GRIN2A: variants seen among roughly 807,000 people sequenced by gnomAD.
GRIN2A encodes the protein glutamate ionotropic receptor NMDA type subunit 2A.
In GRIN2A, 22 loss-of-function variants were observed where a neutral mutation model predicts 113.4. The observed-to-expected ratio is 0.19, with a 90% CI of 0.14 to 0.28. The LOEUF (loss-of-function observed/expected upper bound fraction) is 0.28. GRIN2A is among the 10% of genes least tolerant of loss of function. GRIN2A has a pLI of 1.00. For missense variants in GRIN2A, 1,502 were observed against 1,887.0 expected (o/e 0.80, Z 3.78); for synonymous variants, 827 against 738.4 (o/e 1.12, Z -1.94).
At chr16:10,061,986 G>T (rs1249422084) in intron 2 of GRIN2A, among the ~76,000 whole-genome samples, 1 of 152,150 alleles carries the variant, frequency 6.6e-6, no homozygotes, top group Non-Finnish European at 1.5e-5. Context: ...TACTAAAAGG[G>T]ATTTTTGAAA....
Position 9,957,592 on chromosome 16 carries a change from A to C in GRIN2A, c.415-19041T>G, listed in dbSNP as rs918706739. 2.0e-5 allele frequency among the ~76,000 whole-genome samples: 3 copies of C among 152,148 alleles called. 1 individual carries two copies. The South Asian group carries it at 6.2e-4, about 32-fold the overall frequency. ...AGTAGTGGAAATAAAGCAAATATAA[A>C]ACCTAAGAGGCAGCTTCTAATAGGA... is the stretch of plus-strand genomic sequence containing the variant. On this transcript the variant is annotated intron_variant, in intron 2 of 12. Transcript: ENST00000330684.
intron 2 of GRIN2A, among the ~76,000 whole-genome samples, chr16:10,141,911 G>A (rs919259590): frequency 7.2e-5 from 11 of 152,216 alleles, no homozygotes; most frequent in African/African-American, 2.4e-4. Context: ...CCAGCTGAGA[G>A]TGCTTTCCAC....
intron 2 of GRIN2A, among the ~76,000 whole-genome samples, chr16:10,139,530 C>T (rs562930480): frequency 6.6e-6 from 1 of 152,180 alleles, no homozygotes; most frequent in Non-Finnish European, 1.5e-5. Context: ...ACAAGACATC[C>T]CAGGGGATAC....
chr16:9,776,372 C>G lies in GRIN2A; in HGVS notation c.2357-7283G>C, dbSNP rs2267775. The stretch of plus-strand genomic sequence containing the variant: ...TTCAGGGCAGGGATCTTGTTTTATT[C>G]TCCTTGTACCCCCAGTCTGTGGCAC... On this transcript the variant is annotated intron_variant, in intron 11 of 12. Coordinates refer to ENST00000330684, the MANE Select transcript of GRIN2A (RefSeq NM_001134407.3). Among the ~76,000 whole-genome samples, 180 of 142,578 alleles carry G rather than the reference C, an allele frequency of 1.3e-3. 1 individual carries two copies. The highest frequency in any genetic ancestry group is 8.2e-3 in the East Asian group (40 of 4,856). The allele number at this position is 142,578 out of a possible 152,430, so 93.5% of individuals were successfully genotyped here. A position where few individuals can be genotyped will look rare whatever the true frequency, so the allele number is the denominator to read the frequency against.
chr16:9,934,091 A>G (rs954205621), intron 3 of GRIN2A, among the ~76,000 whole-genome samples: 13 of 152,340 alleles, frequency 8.5e-5, no homozygotes, highest in African/African-American at 2.9e-4. Flanking sequence ...ATTATCATTA[A>G]TGTTTTATTG....
At chr16:9,892,780 T>C (rs1164843135) in intron 3 of GRIN2A, among the ~76,000 whole-genome samples, 1 of 152,054 alleles carries the variant, frequency 6.6e-6, no homozygotes, top group East Asian at 1.9e-4. Context: ...AAAAATGTGA[T>C]GTCGTTAAAG....
chr16:9,932,368 TTTTTA>T (rs1336440731), intron 3 of GRIN2A, among the ~76,000 whole-genome samples: 1 of 152,106 alleles, frequency 6.6e-6, no homozygotes, highest in Non-Finnish European at 1.5e-5. Context: ...CTTTATTTCA[TTTTTA>T]TTTTATTTTA....
chr16:9,917,093 C>G (rs1422409896), intron 3 of GRIN2A, among the ~76,000 whole-genome samples: 1 of 152,200 alleles, frequency 6.6e-6, no homozygotes, highest in South Asian at 2.1e-4. Flanking sequence ...CTCCCTTTGG[C>G]TGGAATGACT....
At chr16:10,057,884 T>C (rs1294087779) in intron 2 of GRIN2A, among the ~76,000 whole-genome samples, 1 of 152,234 alleles carries the variant, frequency 6.6e-6, no homozygotes, top group African/African-American at 2.4e-5. Context: ...ATCTTGACTT[T>C]TATGTGCCAA....
chr16:9,924,139 A>ACAAAAAAAAAC (rs2044411686), intron 3 of GRIN2A, among the ~76,000 whole-genome samples: 1 of 150,450 alleles, frequency 6.6e-6, no homozygotes, highest in Non-Finnish European at 1.5e-5. Flanking sequence ...AAAAAAAAAA[A>ACAAAAAAAAAC]CAAAAACCTC....
chr16:9,960,795 T>C (rs923617195), intron 2 of GRIN2A, among the ~76,000 whole-genome samples: 2 of 152,100 alleles, frequency 1.3e-5, no homozygotes, highest in Non-Finnish European at 2.9e-5. Flanking sequence ...TGGATAATTT[T>C]TGTATTTTTG....
chr16:9,942,829 G>C (rs1358764104), intron 2 of GRIN2A, among the ~76,000 whole-genome samples: 1 of 152,116 alleles, frequency 6.6e-6, no homozygotes, highest in Non-Finnish European at 1.5e-5. Context: ...CTGTACTACT[G>C]TCATTTCTAT....
chr16:9,913,407 T>G (rs1438884349), intron 3 of GRIN2A, among the ~76,000 whole-genome samples: 1 of 152,246 alleles, frequency 6.6e-6, no homozygotes, highest in African/African-American at 2.4e-5. Context: ...GGGACCTTTA[T>G]GTAAAGATTT....
intron 2 of GRIN2A, among the ~76,000 whole-genome samples, chr16:10,113,128 T>G (rs1942164762): frequency 6.6e-6 from 1 of 151,560 alleles, no homozygotes; most frequent in Non-Finnish European, 1.5e-5. Context: ...AGCCAGGCTC[T>G]CAGGCCCTGC....
chr16:10,094,099 G>A (rs963609230), intron 2 of GRIN2A, among the ~76,000 whole-genome samples: 2 of 152,166 alleles, frequency 1.3e-5, no homozygotes, highest in Admixed American at 1.3e-4. Flanking sequence ...AGGTTTCATG[G>A]AGCAGTTACT....
chr16:9,798,250 A>C (rs887534804), intron 11 of GRIN2A, 27 bp downstream of exon 11: 7 of 1,597,576 alleles, frequency 4.4e-6, no homozygotes, highest in East Asian at 2.2e-5. Context: ...AAGTCCCCCT[A>C]AAGAAAGGGG....
At chr16:9,999,126 G>A (rs944518017) in intron 2 of GRIN2A, among the ~76,000 whole-genome samples, 1 of 152,094 alleles carries the variant, frequency 6.6e-6, no homozygotes, top group South Asian at 2.1e-4. Flanking sequence ...AGCTTCCCAG[G>A]CACCTGCTGG....
In GRIN2A at chr16:9,864,106, T is replaced by C. The variant is rs74956101; in HGVS notation, c.1123-14145A>G. On this transcript the variant is annotated intron_variant, in intron 4 of 12. Coordinates refer to ENST00000330684, the MANE Select transcript of GRIN2A (RefSeq NM_001134407.3). ...CAATTTAGAAATATGGTAAAGGTTT[T>C]TGTTTGACCTTCTAATGTACTTTTT... Among the ~76,000 whole-genome samples the C allele has an allele frequency of 9.2e-3, 1,409 of 152,332 alleles. 11 individuals carry two copies. The highest frequency in any genetic ancestry group is 0.015 in the Non-Finnish European group (1,039 of 68,028).
intron 2 of GRIN2A, among the ~76,000 whole-genome samples, chr16:10,004,693 C>A (rs1367253526): frequency 6.6e-6 from 1 of 152,176 alleles, no homozygotes; most frequent in Non-Finnish European, 1.5e-5. Context: ...GGTCATCAAA[C>A]TGTCATCTTC....
Sources: gnomAD v4.1 joint callset for allele counts (sites outside exome capture counted in the v4.1 genomes callset) on GRCh38, gnomAD v4.1.1 for gene constraint, MANE v1.5 for transcripts, NCBI Gene and HGNC (gene_info 2026-07-23, HGNC 2026-07-21) for gene names.